OR56A3: variants seen among roughly 807,000 people sequenced by gnomAD.
The protein encoded by OR56A3 is olfactory receptor family 56 subfamily A member 3, also known as olfactory receptor 56A3.
A neutral mutation model predicts 17.5 loss-of-function variants in OR56A3; 23 were observed. The observed-to-expected ratio is 1.32, with a 90% confidence interval of 0.95 to 1.87. OR56A3 has a LOEUF of 1.87. OR56A3 is among the 40% of genes most tolerant of loss of function. The pLI is 0.00. For missense variants in OR56A3, 366 were observed against 380.1 expected (o/e 0.96, Z 0.31); for synonymous variants, 175 against 150.6 (o/e 1.16, Z -1.19).
chr11:6,008,820 AC>A, the OR56A3 span, among the ~76,000 whole-genome samples: 1 of 152,262 alleles, frequency 6.6e-6, no homozygotes, highest in South Asian at 2.1e-4. Flanking sequence ...ATATAATTAC[AC>A]CAAGGATTGT....
chr11:5,986,187 C>T, the OR56A3 span: 3 of 1,613,818 alleles, frequency 1.9e-6, no homozygotes, highest in South Asian at 2.2e-5. Flanking sequence ...GGGCCTCACT[C>T]CCTGGTACCT....
At chr11:5,998,865 T>G in the OR56A3 span, among the ~76,000 whole-genome samples, 3 of 152,168 alleles carry the variant, frequency 2.0e-5, no homozygotes, top group African/African-American at 7.2e-5. Flanking sequence ...TGAAAACAGT[T>G]TCCTATTTTA....
At chr11:5,986,444 C>A in the OR56A3 span, 3 of 1,613,970 alleles carry the variant, frequency 1.9e-6, no homozygotes, top group Non-Finnish European at 2.5e-6. Context: ...ACCACCATTC[C>A]GATGCGCCCT....
At position 5,945,033 on chromosome 11, in the gene OR56A3, A is replaced by G. The variant is rs1273684812; in HGVS notation, c.-86A>G. 2 of 152,346 alleles carry G rather than the reference A, an allele frequency of 1.3e-5. No individual in the cohort carries two copies. The highest frequency in any genetic ancestry group is 1.5e-5 in the Non-Finnish European group (1 of 68,036). 9.4% of individuals were successfully genotyped at this position (152,346 alleles called of 1,614,324 possible). ...CAAGGACTGGAACTGCTTTTGGGGA[A>G]TAGGAAAGACAACTGAAAACAAAAA... On this transcript the variant is annotated 5_prime_UTR_variant, in exon 2 of 3. Transcript: ENST00000641160.
the OR56A3 span, among the ~76,000 whole-genome samples, chr11:5,990,678 G>A: frequency 0.014 from 2,071 of 152,074 alleles, 54 homozygotes; most frequent in African/African-American, 0.048. Flanking sequence ...AGAAAGAGTG[G>A]GTCCATGACA....
Position 5,944,915 on chromosome 11 carries a change from C to A in OR56A3, c.-204C>A, listed in dbSNP as rs1590444384. 1 of 152,114 alleles carries A rather than the reference C, an allele frequency of 6.6e-6. No individual in the cohort carries two copies. Among genetic ancestry groups the A allele is most frequent in the African/African-American group, 2.4e-5 (1 of 41,408 alleles). 9.4% of individuals were successfully genotyped at this position (152,114 alleles called of 1,614,324 possible). A position where few individuals can be genotyped will look rare whatever the true frequency, so the allele number is the denominator to read the frequency against. On this transcript the variant is annotated 5_prime_UTR_variant, in exon 2 of 3. Transcript: ENST00000641160. ...GATCAAGAGGAGTGAAGAGAGGATC[C>A]CTGGAGGAATGCCCGTCCTCCCTCC... is the stretch of plus-strand genomic sequence containing the variant.
At chr11:5,986,277 C>T in the OR56A3 span, 1 of 1,613,878 alleles carries the variant, frequency 6.2e-7, no homozygotes, top group South Asian at 1.1e-5. Flanking sequence ...AGGCCATAGT[C>T]AGCCCATAAG....
the OR56A3 span, among the ~76,000 whole-genome samples, chr11:6,007,562 C>T: frequency 6.6e-6 from 1 of 150,988 alleles, no homozygotes; most frequent in African/African-American, 2.4e-5. Flanking sequence ...ACTTTTTACA[C>T]TTTATATATA....
the OR56A3 span, among the ~76,000 whole-genome samples, chr11:5,977,550 T>A: frequency 6.6e-6 from 1 of 152,242 alleles, no homozygotes; most frequent in Non-Finnish European, 1.5e-5. Flanking sequence ...GCTCATTTTT[T>A]AATAAGGTTG....
chr11:5,965,735 C>T, the OR56A3 span, among the ~76,000 whole-genome samples: 3 of 152,132 alleles, frequency 2.0e-5, no homozygotes, highest in Admixed American at 6.5e-5. Context: ...AAGGGAGATA[C>T]ACACATGACT....
the OR56A3 span, among the ~76,000 whole-genome samples, chr11:5,983,043 T>G: frequency 2.0e-5 from 3 of 152,274 alleles, no homozygotes; most frequent in Non-Finnish European, 4.4e-5. Context: ...TGTCTCTTGG[T>G]GGGAGAAGCT....
At chr11:5,947,251 A>G in intron 2 of OR56A3, 60 bp from the exon 3 acceptor site, 1 of 1,177,562 alleles carries the variant, frequency 8.5e-7, no homozygotes, top group Non-Finnish European at 1.2e-6. Flanking sequence ...TATGACAAAC[A>G]AATTGTGCTA....
the OR56A3 span, among the ~76,000 whole-genome samples, chr11:5,987,260 C>T: frequency 3.9e-5 from 6 of 152,156 alleles, no homozygotes; most frequent in African/African-American, 1.4e-4. Context: ...GTGAATCAAT[C>T]TGTTGTTTTT....
At chr11:5,960,861 G>A in the OR56A3 span, among the ~76,000 whole-genome samples, 3 of 151,078 alleles carry the variant, frequency 2.0e-5, no homozygotes, top group East Asian at 2.0e-4. Flanking sequence ...TGTGGGGAGC[G>A]CCTCTGCCTC....
chr11:5,944,128 G>A (rs900941186), intron 1 of OR56A3, among the ~76,000 whole-genome samples: 2 of 152,182 alleles, frequency 1.3e-5, no homozygotes. Flanking sequence ...ATTATCTTGA[G>A]GACCTCCTGT....
the OR56A3 span, chr11:5,967,851 A>T: frequency 8.9e-6 from 14 of 1,568,236 alleles, no homozygotes; most frequent in Middle Eastern, 1.3e-3. Context: ...AACAATAAGG[A>T]TGAGGTCAGA....
the OR56A3 span, among the ~76,000 whole-genome samples, chr11:5,964,798 T>C: frequency 6.6e-6 from 1 of 152,194 alleles, no homozygotes; most frequent in East Asian, 1.9e-4. Context: ...GGTTTAACTG[T>C]GGCATGGCCC....
chr11:6,006,182 G>A, the OR56A3 span: 2 of 152,084 alleles, frequency 1.3e-5, no homozygotes, highest in African/African-American at 4.8e-5. Flanking sequence ...ATGTTCTTTT[G>A]GACTTCCAGT....
the OR56A3 span, among the ~76,000 whole-genome samples, chr11:5,983,832 C>T: frequency 4.6e-5 from 7 of 152,208 alleles, no homozygotes; most frequent in East Asian, 7.7e-4. Context: ...TGATCTGTTT[C>T]ACTGCCTGCC....
Sources: gnomAD v4.1 joint callset for allele counts (sites outside exome capture counted in the v4.1 genomes callset) on GRCh38, gnomAD v4.1.1 for gene constraint, MANE v1.5 for transcripts, NCBI Gene and HGNC (gene_info 2026-07-23, HGNC 2026-07-21) for gene names.